HSPH1: variants seen among roughly 807,000 people sequenced by gnomAD.
HSPH1 encodes the protein heat shock protein 105 kDa.
A neutral mutation model predicts 100.0 loss-of-function variants in HSPH1; 40 were observed. The observed-to-expected ratio is 0.40, with a 90% CI of 0.31 to 0.52. HSPH1 has a LOEUF of 0.52. HSPH1 is among the 20% of genes least tolerant of loss of function. The probability of loss-of-function intolerance (pLI) is 0.54; values close to 1 mark genes in which losing one functional copy is unlikely to be tolerated. For missense variants in HSPH1, 876 were observed against 1,015.1 expected (o/e 0.86, Z 1.86); for synonymous variants, 403 against 344.0 (o/e 1.17, Z -1.90).
intron 1 of HSPH1, 150 bp downstream of exon 1, chr13:31,161,326 G>T (rs1047961843): frequency 1.9e-5 from 26 of 1,373,218 alleles, no homozygotes; most frequent in Non-Finnish European, 2.4e-5. Context: ...CCTCTGGCCG[G>T]GTCGCTGGTC....
intron 4 of HSPH1, 135 bp from the exon 5 acceptor site, chr13:31,153,086 TA>T: frequency 1.7e-6 from 1 of 599,946 alleles, no homozygotes; most frequent in Non-Finnish European, 2.9e-6. Context: ...AATAGGGCTT[TA>T]GTTTTCTGCA....
At chr13:31,140,871 T>C in intron 13 of HSPH1, 1 of 318,222 alleles carries the variant, frequency 3.1e-6, no homozygotes, top group Non-Finnish European at 5.6e-6. Context: ...TGTACTGTGC[T>C]CTGTTATGAT....
intron 1 of HSPH1, 69 bp downstream of exon 1, chr13:31,161,407 C>T: frequency 2.5e-6 from 4 of 1,577,842 alleles, no homozygotes; most frequent in Non-Finnish European, 3.5e-6. Flanking sequence ...ACAGCCAGCC[C>T]GCGATCTTGG....
intron 2 of HSPH1, 72 bp downstream of exon 2, chr13:31,158,734 T>C (rs1021890018): frequency 2.2e-5 from 21 of 944,862 alleles, no homozygotes; most frequent in Middle Eastern, 2.1e-4. Flanking sequence ...TACCCTCTTA[T>C]ATGTCTCTTG....
chr13:31,140,407 C>G (rs1259702017), intron 13 of HSPH1, 98 bp from the exon 14 acceptor site: 14 of 1,162,420 alleles, frequency 1.2e-5, no homozygotes, highest in South Asian at 1.6e-5. Flanking sequence ...TGATACAAAA[C>G]AAATTTTAGT....
intron 12 of HSPH1, among the ~76,000 whole-genome samples, chr13:31,142,905 G>A (rs1251602239): frequency 6.6e-6 from 1 of 152,038 alleles, no homozygotes; most frequent in Non-Finnish European, 1.5e-5. Context: ...GTAGAAAACA[G>A]AGAGCAGCTT....
At chr13:31,148,165 A>G in intron 9 of HSPH1, 73 bp from the exon 10 acceptor site, 1 of 1,428,090 alleles carries the variant, frequency 7.0e-7, no homozygotes, top group Non-Finnish European at 9.6e-7. Context: ...ACAAACAGAA[A>G]AGAGGCTTTC....
At chr13:31,146,990 T>C (rs183620136) in intron 10 of HSPH1, among the ~76,000 whole-genome samples, 208 of 152,318 alleles carry the variant, frequency 1.4e-3, no homozygotes, top group African/African-American at 4.7e-3. Flanking sequence ...TGATTAATTG[T>C]CAAATCAGTA....
At chr13:31,161,420 C>A in intron 1 of HSPH1, 56 bp downstream of exon 1, 1 of 1,596,584 alleles carries the variant, frequency 6.3e-7, no homozygotes, top group Admixed American at 1.7e-5. Context: ...GATCTTGGGT[C>A]CCCACACTAA....
At position 31,150,049 on chromosome 13, in the gene HSPH1, G is replaced by C. The variant is rs750372283; in HGVS notation, c.1042C>G (p.Pro348Ala). The change falls in exon 8 of 18, where the codon CCA (proline) becomes GCA (alanine). Residue 348 changes from proline (P) to alanine (A), a missense_variant. Pro to Ala is a conservative substitution (Grantham distance 27). Transcript: ENST00000320027. Reference protein sequence around the residue: ...VEIVGGATRIPAVKERIAKFF... With the variant: ...VEIVGGATRIAAVKERIAKFF... ...TTGGCAATTCTTTCCTTCACAGCTG[G>C]AATTCGTGTAGCGCCTCCAACAATC... 2 of 1,613,720 alleles carry C rather than the reference G, an allele frequency of 1.2e-6. No homozygotes were observed. Among genetic ancestry groups the C allele is most frequent in the African/African-American group, 2.7e-5 (2 of 74,888 alleles).
chr13:31,152,995 A>G, intron 4 of HSPH1, 44 bp from the exon 5 acceptor site: 1 of 1,270,968 alleles, frequency 7.9e-7, no homozygotes, highest in Non-Finnish European at 1.1e-6. Context: ...AACACAAAAT[A>G]TACTTAGAAA....
chr13:31,138,393 A>G lies in HSPH1; in HGVS notation c.2370+14T>C, dbSNP rs370225427. 7 of 1,610,760 alleles carry G rather than the reference A, an allele frequency of 4.3e-6. No individual in the cohort carries two copies. Among genetic ancestry groups the G allele is most frequent in the Middle Eastern group, 1.6e-4 (1 of 6,068 alleles). Reference sequence around the variant, plus strand: ...AAGTGAACCCAGCAGTAAACACGAGACAGTAACACTCACCTTGATTTTTGT... The same window carrying G: ...AAGTGAACCCAGCAGTAAACACGAGGCAGTAACACTCACCTTGATTTTTGT... On this transcript the variant is annotated intron_variant, in intron 17 of 17. Coordinates refer to ENST00000320027, the MANE Select transcript of HSPH1 (RefSeq NM_006644.4).
In HSPH1 at chr13:31,135,468, A is replaced by G. The variant is rs573679546; in HGVS notation, c.*1850T>C. 26 of 152,378 alleles carry G rather than the reference A, an allele frequency of 1.7e-4. No homozygotes were observed. The highest frequency in any genetic ancestry group is 5.5e-4 in the African/African-American group (23 of 41,594). The allele number at this position is 152,378 out of a possible 1,614,324, so 9.4% of individuals were successfully genotyped here. On this transcript the variant is annotated 3_prime_UTR_variant, in exon 18 of 18. Transcript: ENST00000320027. ...AAAAATTTAAAGTTGCTAAATGGTA[A>G]AGCAGCTAGAAATTATAAAGTAGGG...
chr13:31,156,822 C>T (rs988307984), intron 2 of HSPH1, among the ~76,000 whole-genome samples: 5 of 152,178 alleles, frequency 3.3e-5, no homozygotes, highest in Non-Finnish European at 1.5e-5. Context: ...GAACTGCTAT[C>T]TTACACAACT....
chr13:31,138,764 C>T lies in HSPH1; in HGVS notation c.2208+17G>A, dbSNP rs200813681. The T allele has an allele frequency of 5.3e-5, 85 of 1,596,842 alleles. No individual in the cohort carries two copies. Among genetic ancestry groups the T allele is most frequent in the Middle Eastern group, 5.0e-4 (3 of 5,988 alleles). ...TCTAGGTTAACTTCCTCCCTATGTA[C>T]AAAAAGACTGACTCACCTTATTTCT... On this transcript the variant is annotated intron_variant, in intron 16 of 17. Transcript: ENST00000320027.
chr13:31,158,771 T>G, intron 2 of HSPH1, 35 bp downstream of exon 2: 1 of 1,445,314 alleles, frequency 6.9e-7, no homozygotes, highest in African/African-American at 1.4e-5. Flanking sequence ...AACTCCCCCC[T>G]TAAAAAGTGA....
At chr13:31,139,550 C>G (rs552432831) in intron 14 of HSPH1, among the ~76,000 whole-genome samples, 12 of 152,166 alleles carry the variant, frequency 7.9e-5, no homozygotes, top group Admixed American at 6.5e-4. Context: ...CCATAAGAAA[C>G]TCAGAGAATG....
chr13:31,148,293 T>TTA, intron 9 of HSPH1, 81 bp downstream of exon 9: 1 of 1,022,670 alleles, frequency 9.8e-7, no homozygotes, highest in Non-Finnish European at 1.5e-6. Context: ...AAGTCATTTG[T>TTA]TAATGACTCT....
At chr13:31,150,911 G>A (rs1414244221) in intron 7 of HSPH1, 36 bp downstream of exon 7, 1 of 1,572,826 alleles carries the variant, frequency 6.4e-7, no homozygotes, top group Non-Finnish European at 8.6e-7. Flanking sequence ...TTCAAAAGAA[G>A]TTCCATCTAT....
Sources: gnomAD v4.1 joint callset for allele counts (sites outside exome capture counted in the v4.1 genomes callset) on GRCh38, gnomAD v4.1.1 for gene constraint, MANE v1.5 for transcripts, NCBI Gene and HGNC (gene_info 2026-07-23, HGNC 2026-07-21) for gene names.